The following NAA38 variants were observed in gnomAD, a reference collection of about 807,000 sequenced individuals.
The protein encoded by NAA38 is N-alpha-acetyltransferase 38, NatC auxiliary subunit, also known as LSM domain containing 1.
In NAA38, 15 loss-of-function variants were observed where a neutral mutation model predicts 12.6. That is an observed-to-expected ratio of 1.19 (90% CI 0.79 to 1.83). The LOEUF is 1.83. Ranked by LOEUF, NAA38 falls within the 40% of genes most tolerant of loss-of-function variation. The pLI, the probability that NAA38 is intolerant of heterozygous loss-of-function variation, is 0.00. For missense variants in NAA38, 183 were observed against 171.7 expected, an observed-to-expected ratio of 1.07 and a Z score of -0.37; for synonymous variants, 88 against 69.9, an observed-to-expected ratio of 1.26 and a Z score of -1.29.
intron 2 of NAA38, among the ~76,000 whole-genome samples, chr17:7,876,476 G>A (rs1232574537): frequency 6.6e-6 from 1 of 152,014 alleles, no homozygotes; most frequent in Non-Finnish European, 1.5e-5. Flanking sequence ...GCCATATGAG[G>A]TCTACATACT....
At chr17:7,873,312 A>C (rs1967118985) in intron 2 of NAA38, among the ~76,000 whole-genome samples, 1 of 152,202 alleles carries the variant, frequency 6.6e-6, no homozygotes, top group Non-Finnish European at 1.5e-5. Context: ...GAAACTACAG[A>C]CGTCAAGCAA....
chr17:7,859,223 T>C (rs2078863298), upstream of NAA38: 2 of 629,918 alleles, frequency 3.2e-6, no homozygotes, highest in Admixed American at 2.9e-5. Flanking sequence ...TGTAGGACTT[T>C]AGGGTCTGCT....
At chr17:7,877,008 CTACAT>C (rs1967186070) in intron 2 of NAA38, 1 of 318,480 alleles carries the variant, frequency 3.1e-6, no homozygotes, top group Admixed American at 4.7e-5. Context: ...AAAACCCTAA[CTACAT>C]TACATCTACT....
intron 3 of NAA38, chr17:7,865,728 A>G (rs1195908141): frequency 6.6e-6 from 1 of 152,206 alleles, no homozygotes; most frequent in Non-Finnish European, 1.5e-5. Flanking sequence ...AATTGTGGGC[A>G]TATTTAGAAA....
At chr17:7,883,036 T>C (rs1242105160) in intron 2 of NAA38, among the ~76,000 whole-genome samples, 1 of 152,188 alleles carries the variant, frequency 6.6e-6, no homozygotes, top group African/African-American at 2.4e-5. Context: ...ACTGAGCTAT[T>C]TGCCCTCCTT....
chr17:7,857,028 G>A lies in NAA38; in HGVS notation c.252C>T (p.Phe84=), dbSNP rs2078824978. ...CCGGGCACTGACCCGACGGCTTGAG[G>A]AACTCCTGCGCCGAGCCCAGGATGA... ...CNVILGSAQE[F]LKPSDSFSAG... is the part of the protein sequence containing the mutation. The change falls in exon 2 of 3, where the codon TTC becomes TTT. Residue 84 remains phenylalanine, a synonymous_variant. Transcript: ENST00000575771. The A allele has an allele frequency of 1.9e-6, 3 of 1,607,030 alleles. No individual in the cohort carries two copies. The highest frequency in any genetic ancestry group is 2.2e-5 in the South Asian group (2 of 90,948).
intron 3 of NAA38, among the ~76,000 whole-genome samples, chr17:7,866,337 T>C (rs995311472): frequency 1.3e-5 from 2 of 148,298 alleles, no homozygotes; most frequent in African/African-American, 2.5e-5. Context: ...CTTGATCTCC[T>C]GACCTCGTGA....
upstream of NAA38, chr17:7,859,280 A>G: frequency 4.5e-6 from 4 of 883,070 alleles, no homozygotes; most frequent in South Asian, 6.2e-5. Flanking sequence ...GCCGTAGAGT[A>G]CCTGAAGCTG....
intron 1 of NAA38, 85 bp downstream of exon 1, chr17:7,857,298 G>C: frequency 6.2e-7 from 1 of 1,611,940 alleles, no homozygotes; most frequent in South Asian, 1.1e-5. Context: ...ACAAAGCCCA[G>C]AGGCTGCCGG....
Position 7,857,553 on chromosome 17 carries a change from T to C in NAA38, c.-90A>G, listed in dbSNP as rs1386382179. On this transcript the variant is annotated 5_prime_UTR_variant, in exon 1 of 3. Transcript: ENST00000575771. ...ATCTCGCGAGCGCTCCCGACCTCTTTCCTTTCGCGAGATCCCCTCTCCTCC... is the reference window on the plus strand; with the variant it reads ...ATCTCGCGAGCGCTCCCGACCTCTTCCCTTTCGCGAGATCCCCTCTCCTCC... 7.0e-6 allele frequency: 10 copies of C among 1,428,790 alleles called. No homozygotes were observed. The highest frequency in any genetic ancestry group is 3.1e-5 in the Admixed American group (1 of 32,584). The allele number at this position is 1,428,790 out of a possible 1,614,324, so 88.5% of individuals were successfully genotyped here.
intron 2 of NAA38, among the ~76,000 whole-genome samples, chr17:7,878,987 A>G (rs1967223866): frequency 6.6e-6 from 1 of 150,944 alleles, no homozygotes; most frequent in Non-Finnish European, 1.5e-5. Context: ...ATAAGCATAT[A>G]TACATATATT....
chr17:7,879,507 T>C (rs943052457), intron 2 of NAA38, among the ~76,000 whole-genome samples: 2 of 152,154 alleles, frequency 1.3e-5, no homozygotes, highest in African/African-American at 2.4e-5. Context: ...AAATTATTGC[T>C]TTAGATATGT....
rs1297961061 is a variant in NAA38 at position 7,856,750 on chromosome 17, G to A, written c.359C>T (p.Thr120Ile). 2 of 1,613,976 alleles carry A rather than the reference G, an allele frequency of 1.2e-6. No individual in the cohort carries two copies. The highest frequency in any genetic ancestry group is 1.7e-6 in the Non-Finnish European group (2 of 1,179,958). The change falls in exon 3 of 3, where the codon ACC (threonine) becomes ATC (isoleucine). Residue 120 changes from threonine to isoleucine, a missense_variant. Physicochemically the swap from Thr to Ile is moderately conservative, Grantham distance 89. Coordinates refer to ENST00000575771, the MANE Select transcript of NAA38 (RefSeq NM_001320925.4). Reference protein sequence around the residue: ...VSIEVQRESLTGPPYL With the variant: ...VSIEVQRESLIGPPYL The stretch of plus-strand genomic sequence containing the variant: ...TCGTGGTCAGAGATACGGAGGCCCG[G>A]TCAGACTCTCCCTCTGCACCTCAAT...
exon 3 of NAA38, chr17:7,866,547 G>C: frequency 8.1e-7 from 1 of 1,229,806 alleles, no homozygotes; most frequent in Non-Finnish European, 1.0e-6. Flanking sequence ...TCCCACGTTG[G>C]CCTTTCAGTT....
chr17:7,863,501 C>T (rs552824618), intron 3 of NAA38: 7 of 152,244 alleles, frequency 4.6e-5, no homozygotes, highest in Admixed American at 2.0e-4. Context: ...AGGAAGCTTG[C>T]CTGCTCACTG....
chr17:7,858,683 T>C, upstream of NAA38: 1 of 1,611,286 alleles, frequency 6.2e-7, no homozygotes, highest in South Asian at 1.1e-5. Flanking sequence ...ACGTTCCGCC[T>C]CAGCTGCCCT....
chr17:7,857,962 C>T (rs1201291291), upstream of NAA38: 2 of 1,466,768 alleles, frequency 1.4e-6, no homozygotes, highest in Non-Finnish European at 1.8e-6. Flanking sequence ...CCAAACCCCG[C>T]CCCTGATATT....
At chr17:7,876,187 T>C (rs982789577) in intron 2 of NAA38, among the ~76,000 whole-genome samples, 2 of 152,138 alleles carry the variant, frequency 1.3e-5, no homozygotes, top group African/African-American at 4.8e-5. Context: ...TAGCTCTATA[T>C]TTAACTTTTT....
At chr17:7,858,882 A>C, upstream of NAA38, 2 of 1,434,654 alleles carry the variant, frequency 1.4e-6, no homozygotes, top group Non-Finnish European at 1.9e-6. Flanking sequence ...GCAAATCTCC[A>C]GGCCGATCTT....
Sources: gnomAD v4.1 joint callset for allele counts (sites outside exome capture counted in the v4.1 genomes callset) on GRCh38, gnomAD v4.1.1 for gene constraint, MANE v1.5 for transcripts, NCBI Gene and HGNC (gene_info 2026-07-23, HGNC 2026-07-21) for gene names.